PPM1H: variants seen among roughly 807,000 people sequenced by gnomAD.
The protein encoded by PPM1H is protein phosphatase, Mg2+/Mn2+ dependent 1H, also known as protein phosphatase 1H.
In PPM1H, 27 loss-of-function variants were observed where a neutral mutation model predicts 54.9. The observed-to-expected ratio is 0.49, with a 90% CI of 0.36 to 0.68. The LOEUF (loss-of-function observed/expected upper bound fraction) is 0.68, where lower values mean the gene tolerates loss of function less well. PPM1H is among the 30% of genes least tolerant of loss of function. PPM1H has a pLI of 0.00. For missense variants in PPM1H, 596 were observed against 667.8 expected (o/e 0.89, Z 1.19); for synonymous variants, 305 against 270.8 (o/e 1.13, Z -1.24).
intron 2 of PPM1H, among the ~76,000 whole-genome samples, chr12:62,831,003 G>A (rs1242885212): frequency 3.9e-5 from 6 of 152,068 alleles, no homozygotes; most frequent in Non-Finnish European, 7.4e-5. Flanking sequence ...ACAGGCGCCC[G>A]CCACCATGCC....
In PPM1H at chr12:62,648,505, C is replaced by A; in HGVS notation, c.1529G>T (p.Gly510Val). The A allele has an allele frequency of 6.2e-7, 1 of 1,613,956 alleles. No homozygotes were observed. Among genetic ancestry groups the A allele is most frequent in the South Asian group, 1.1e-5 (1 of 91,076 alleles). The change falls in exon 10 of 10, where the codon GGA becomes GTA. Residue 510 changes from glycine to valine, a missense_variant. Physicochemically the swap from Gly to Val is moderately radical, Grantham distance 109. This residue lies in a region of PPM1H where 208 missense variants were observed against 259.5 expected (regional missense o/e 0.80). Transcript: ENST00000228705. ...ISVYVIPLIH[G>V]NKLS ...GGGCCATTTTCATGACAGCTTGTTTCCATGTATTAAAGGAATGACATATAC... is the reference window on the plus strand; with the variant it reads ...GGGCCATTTTCATGACAGCTTGTTTACATGTATTAAAGGAATGACATATAC...
intron 4 of PPM1H, 50 bp downstream of exon 4, chr12:62,788,176 C>T: frequency 2.5e-6 from 3 of 1,186,316 alleles, no homozygotes; most frequent in South Asian, 1.3e-5. Flanking sequence ...AAAATAAAAA[C>T]ATCAGAAGGC....
chr12:62,847,296 C>T (rs1467876801), intron 1 of PPM1H, among the ~76,000 whole-genome samples: 1 of 152,172 alleles, frequency 6.6e-6, no homozygotes, highest in Non-Finnish European at 1.5e-5. Flanking sequence ...ATCTGGGTAA[C>T]CCCAATATTC....
intron 1 of PPM1H, among the ~76,000 whole-genome samples, chr12:62,919,403 A>T (rs1871722045): frequency 6.6e-6 from 1 of 151,252 alleles, no homozygotes; most frequent in Non-Finnish European, 1.5e-5. Context: ...TAGAAATAGG[A>T]GATCTAACCT....
chr12:62,746,443 A>C (rs903258694), intron 4 of PPM1H, among the ~76,000 whole-genome samples: 2 of 152,178 alleles, frequency 1.3e-5, no homozygotes, highest in African/African-American at 4.8e-5. Context: ...ACCACCACTG[A>C]CAACTCAATT....
rs943898912 is a variant in PPM1H, at chr12:62,823,461, A to G, written c.411+8653T>C. Among the ~76,000 whole-genome samples, 15 of 152,298 alleles carry G rather than the reference A, an allele frequency of 9.8e-5. 1 individual carries two copies. Among genetic ancestry groups the G allele is most frequent in the Admixed American group, 7.2e-4 (11 of 15,290 alleles). On this transcript the variant is annotated intron_variant, in intron 2 of 9. Transcript: ENST00000228705. ...ACACAACAAAAAAAGAGCATTTTAG[A>G]CCAATATTCCTGATGAACATCGATG...
chr12:62,753,450 C>G (rs935344217), intron 4 of PPM1H, among the ~76,000 whole-genome samples: 6 of 152,294 alleles, frequency 3.9e-5, no homozygotes, highest in South Asian at 2.1e-4. Flanking sequence ...GTAACAATGC[C>G]CAAATCTAAC....
Position 62,705,036 on chromosome 12 carries a change from G to T in PPM1H, c.1074-11037C>A, listed in dbSNP as rs556616613. Among the ~76,000 whole-genome samples, 75 of 152,334 alleles carry T rather than the reference G, an allele frequency of 4.9e-4. 2 individuals are homozygous for T. In the South Asian group the frequency reaches 7.7e-3, roughly 16 times the overall value. On this transcript the variant is annotated intron_variant, in intron 6 of 9. Transcript: ENST00000228705. ...GATTGCTCTCATTTTGCTGGTCAAT[G>T]TTCTTTGGGAGACTCTACTGGGTTA...
chr12:62,845,103 CCAGGATGGCT>C (rs1354289203), intron 1 of PPM1H, among the ~76,000 whole-genome samples: 2 of 152,204 alleles, frequency 1.3e-5, no homozygotes, highest in Non-Finnish European at 2.9e-5. Context: ...CCCTGGAGGG[CCAGGATGGCT>C]CTTTTACAAC....
intron 2 of PPM1H, among the ~76,000 whole-genome samples, chr12:62,811,681 G>C (rs1045155299): frequency 2.0e-5 from 3 of 152,148 alleles, no homozygotes; most frequent in Non-Finnish European, 2.9e-5. Flanking sequence ...GTTCTCACAA[G>C]ATATGATGGT....
chr12:62,801,349 G>A (rs917454148), intron 3 of PPM1H, among the ~76,000 whole-genome samples: 2 of 151,074 alleles, frequency 1.3e-5, no homozygotes, highest in African/African-American at 4.9e-5. Flanking sequence ...ACGCAGTCTC[G>A]GTCTGTTGCT....
chr12:62,676,272 C>T (rs1005983057), intron 8 of PPM1H, among the ~76,000 whole-genome samples: 27 of 152,224 alleles, frequency 1.8e-4, no homozygotes, highest in African/African-American at 6.5e-4. Context: ...CAAGTTCCTG[C>T]AGCACAGTGA....
In PPM1H at chr12:62,814,427, G is replaced by C. The variant is rs182485836; in HGVS notation, c.412-12267C>G. The stretch of plus-strand genomic sequence containing the variant: ...AGAGAGGGTCTTGCTATGTTGCCCA[G>C]GCTGGGTCTCAAACTCCTGGCCTCA... On this transcript the variant is annotated intron_variant, in intron 2 of 9. Transcript: ENST00000228705. Among the ~76,000 whole-genome samples the C allele has an allele frequency of 2.6e-5, 4 of 151,800 alleles. No homozygotes were observed. In the East Asian group the frequency reaches 7.7e-4, roughly 29 times the overall value.
chr12:62,780,943 A>T (rs1414040211), intron 4 of PPM1H, among the ~76,000 whole-genome samples: 2 of 152,204 alleles, frequency 1.3e-5, no homozygotes, highest in African/African-American at 4.8e-5. Context: ...AAGTGCAAAT[A>T]TTCTACTTCT....
intron 1 of PPM1H, among the ~76,000 whole-genome samples, chr12:62,864,169 G>A (rs748846782): frequency 5.9e-5 from 9 of 152,110 alleles, no homozygotes; most frequent in African/African-American, 1.2e-4. Flanking sequence ...GACAGCCCTC[G>A]ACAACAAAAA....
chr12:62,924,216 G>C (rs961836573), intron 1 of PPM1H, among the ~76,000 whole-genome samples: 3 of 152,202 alleles, frequency 2.0e-5, no homozygotes, highest in East Asian at 3.9e-4. Flanking sequence ...CCCAGAGTGG[G>C]GGGGGCAGTA....
At chr12:62,883,988 C>A (rs1666904) in intron 1 of PPM1H, among the ~76,000 whole-genome samples, 5,843 of 151,880 alleles carry the variant, frequency 0.038, 326 homozygotes, top group African/African-American at 0.12. Flanking sequence ...GAGGCCCCTT[C>A]GACAGAGATG....
At chr12:62,897,117 G>T in intron 1 of PPM1H, among the ~76,000 whole-genome samples, 1 of 118,258 alleles carries the variant, frequency 8.5e-6, no homozygotes, top group East Asian at 3.1e-4. Context: ...GGGGGAGGGG[G>T]GAGGGATAAC....
At chr12:62,892,046 G>A (rs1870816510) in intron 1 of PPM1H, among the ~76,000 whole-genome samples, 2 of 152,178 alleles carry the variant, frequency 1.3e-5, no homozygotes, top group Admixed American at 6.5e-5. Flanking sequence ...ATTGTGCAAA[G>A]TATCACAGAA....
Sources: allele counts gnomAD v4.1 joint callset (sites outside exome capture counted in the v4.1 genomes callset), GRCh38; gene constraint gnomAD v4.1.1; regional missense constraint gnomAD v4.1.1; transcripts MANE v1.5; gene names NCBI Gene and HGNC (gene_info 2026-07-23, HGNC 2026-07-21).